The following ABCA2 variants were observed in gnomAD, a reference collection of about 807,000 sequenced individuals.
ABCA2 encodes the protein ATP-binding cassette sub-family A member 2.
In ABCA2, 84 loss-of-function variants were observed where a neutral mutation model predicts 262.8. The observed-to-expected ratio is 0.32, with a 90% CI of 0.27 to 0.38. ABCA2 has a LOEUF of 0.38. Ranked by LOEUF, ABCA2 falls within the 10% of genes least tolerant of loss-of-function variation. ABCA2 has a pLI of 1.00. For synonymous variants in ABCA2, 1,696 were observed against 1,502.9 expected (o/e 1.13, Z -2.97); for missense variants, 2,662 against 3,405.9 (o/e 0.78, Z 5.44).
At position 137,018,048 on chromosome 9, in the gene ABCA2, G is replaced by A; in HGVS notation, c.2021C>T (p.Thr674Ile). The A allele has an allele frequency of 6.8e-6, 11 of 1,612,690 alleles. No homozygotes were observed. Among genetic ancestry groups the A allele is most frequent in the Non-Finnish European group, 9.3e-6 (11 of 1,179,948 alleles). ...CTCCACCACATCGTGCCCCACAAAAGTGTCGATGATGGCGCGCTCCATCAT... is the reference window on the plus strand; with the variant it reads ...CTCCACCACATCGTGCCCCACAAAAATGTCGATGATGGCGCGCTCCATCAT... ...QDMMERAIIDTFVGHDVVEPG... is the reference protein window; with the variant it reads ...QDMMERAIIDIFVGHDVVEPG... The change falls in exon 15 of 49, where the codon ACT becomes ATT. Residue 674 changes from threonine to isoleucine, a missense_variant. Thr to Ile is a moderately conservative substitution (Grantham distance 89). Transcript: ENST00000341511.
At position 137,010,210 on chromosome 9, in the gene ABCA2, G is replaced by T. The variant is rs750641607; in HGVS notation, c.6336C>A (p.Ala2112=). 6.2e-7 allele frequency: 1 copy of T among 1,604,546 alleles called. No individual in the cohort carries two copies. Among genetic ancestry groups the T allele is most frequent in the South Asian group, 1.1e-5 (1 of 90,704 alleles). ...TGDESTTGGE[A]FVNGHSVLKE... ...CGCCCCACCTGTGTCCATTGACGAA[G>T]GCCTCGCCCCCCGTCGTGCTCTCGT... Residue 2112 remains alanine, a synonymous_variant, in exon 41 of 49, where the codon GCC becomes GCA. Coordinates refer to ENST00000341511, the MANE Select transcript of ABCA2 (RefSeq NM_001606.5).
rs542124387 is a variant in ABCA2, at chr9:137,011,943, G to A, written c.5436C>T (p.Val1812=). The change falls in exon 35 of 49, where the codon GTC becomes GTT. Residue 1812 remains valine, a synonymous_variant. Coordinates refer to ENST00000341511, the MANE Select transcript of ABCA2 (RefSeq NM_001606.5). This position sits in a 1 kb window ranked among gnomAD's most constrained non-coding sequence, Gnocchi z 8.8. The part of the protein sequence containing the change: ...AMSFVPASFV[V]FLVAEKSTKA... ...TGGTGGACTTCTCGGCCACGAGGAA[G>A]ACAACGAAGCTGGCCGGCACGAAGG... is the stretch of plus-strand genomic sequence containing the variant. 1.1e-4 allele frequency: 178 copies of A among 1,612,734 alleles called. No homozygotes were observed. The highest frequency in any genetic ancestry group is 1.7e-4 in the Middle Eastern group (1 of 6,060).
chr9:137,017,437 G>T, intron 17 of ABCA2, 65 bp downstream of exon 17: 3 of 1,597,362 alleles, frequency 1.9e-6, no homozygotes, highest in Non-Finnish European at 2.6e-6. Flanking sequence ...GCTCTGAGAG[G>T]ATGTGGGGTG....
At chr9:137,013,616 C>A in intron 28 of ABCA2, 53 bp from the exon 29 acceptor site, 2 of 1,531,384 alleles carry the variant, frequency 1.3e-6, no homozygotes, top group South Asian at 1.2e-5. Context: ...GGCCAGCGGC[C>A]CCCAAGCCTC....
Position 137,010,754 on chromosome 9 carries a change from G to A in ABCA2, c.6057-17C>T. The A allele has an allele frequency of 6.2e-7, 1 of 1,606,082 alleles. No homozygotes were observed. Among genetic ancestry groups the A allele is most frequent in the Non-Finnish European group, 8.5e-7 (1 of 1,174,348 alleles). On this transcript the variant is annotated splice_polypyrimidine_tract_variant and intron_variant, in intron 39 of 48. Coordinates refer to ENST00000341511, the MANE Select transcript of ABCA2 (RefSeq NM_001606.5). ...GGCATGCGCCTTGGGGGACAGGGTG[G>A]ACAGTGTCCAGCAGCTCGCCACCCC...
intron 6 of ABCA2, 102 bp downstream of exon 6, chr9:137,022,249 T>C: frequency 1.4e-6 from 2 of 1,420,622 alleles, no homozygotes; most frequent in Non-Finnish European, 1.8e-6. Flanking sequence ...TCAGACGGTC[T>C]GGGCGTGACT....
At position 137,011,815 on chromosome 9, in the gene ABCA2, G is replaced by A. The variant is rs762806599; in HGVS notation, c.5535+29C>T. 2.5e-5 allele frequency: 39 copies of A among 1,558,218 alleles called. No individual in the cohort carries two copies. The highest frequency in any genetic ancestry group is 1.1e-4 in the African/African-American group (8 of 73,446). ...GCGGGGATGGGGGATGAGAAGGGCC[G>A]GGGCACCCCATGGCCACGCCGGGCG... On this transcript the variant is annotated intron_variant, in intron 35 of 48. Coordinates refer to ENST00000341511, the MANE Select transcript of ABCA2 (RefSeq NM_001606.5). The surrounding 1 kb of genome is among the most constrained non-coding windows in gnomAD (Gnocchi z 8.8).
intron 14 of ABCA2, 25 bp from the exon 15 acceptor site, chr9:137,018,100 T>A: frequency 6.2e-7 from 1 of 1,610,972 alleles, no homozygotes; most frequent in South Asian, 1.1e-5. Flanking sequence ...AGCCATCAGG[T>A]GCCGGGCAGG....
rs769435232 is a variant in ABCA2 at position 137,016,200 on chromosome 9, C to T, written c.3105-26G>A. ...CTGGGTAGGTGGGCGGGGTCATGAC[C>T]CCACGCCCTCTGCAGGGGCCCCACC... is the stretch of plus-strand genomic sequence containing the variant. On this transcript the variant is annotated intron_variant, in intron 21 of 48. Transcript: ENST00000341511. 1.9e-6 allele frequency: 3 copies of T among 1,611,546 alleles called. No homozygotes were observed. In the Admixed American group the frequency reaches 5.0e-5, roughly 27 times the overall value.
At chr9:137,024,884 C>T (rs1188919739) in intron 1 of ABCA2, among the ~76,000 whole-genome samples, 3 of 152,074 alleles carry the variant, frequency 2.0e-5, no homozygotes, top group East Asian at 3.9e-4. Flanking sequence ...CTGCAAGCTC[C>T]GTCCCCCAAG....
Position 137,017,262 on chromosome 9 carries a change from G to A in ABCA2, c.2487C>T (p.Tyr829=). The change falls in exon 18 of 49, where the codon TAC becomes TAT. Residue 829 remains tyrosine (Y), a synonymous_variant. Transcript: ENST00000341511. ...GIIYFLSYVP[Y]MYVAIREEVA... ...CCTCCTCTCGGATCGCCACGTACAT[G>A]TAGGGCACGTAGCTCAGGAAGTAGA... 1.2e-6 allele frequency: 2 copies of A among 1,612,704 alleles called. No individual in the cohort carries two copies. Among genetic ancestry groups the A allele is most frequent in the South Asian group, 1.1e-5 (1 of 91,076 alleles).
Position 137,017,696 on chromosome 9 carries a change from C to T in ABCA2, c.2212-4G>A, listed in dbSNP as rs371651096. ...TCAGGCCCATGGTCTTCATCACCTG[C>T]GGGTGGGCCAGGGGCTTGGGGCAGG... On this transcript the variant is annotated splice_polypyrimidine_tract_variant and splice_region_variant and intron_variant, in intron 16 of 48. Transcript: ENST00000341511. 1.1e-5 allele frequency: 18 copies of T among 1,607,430 alleles called. No homozygotes were observed. Among genetic ancestry groups the T allele is most frequent in the East Asian group, 4.5e-5 (2 of 44,722 alleles).
chr9:137,024,797 C>CT (rs869249419), intron 1 of ABCA2, among the ~76,000 whole-genome samples: 2,477 of 139,596 alleles, frequency 0.018, 84 homozygotes, highest in African/African-American at 0.055. Flanking sequence ...GCAAAGGCAC[C>CT]TTTTTTTTTT....
rs1831233389 is a variant in ABCA2 at position 137,015,685 on chromosome 9, C to T, written c.3504G>A (p.Lys1168=). The T allele has an allele frequency of 1.2e-6, 2 of 1,609,348 alleles. No individual in the cohort carries two copies. The highest frequency in any genetic ancestry group is 1.1e-5 in the South Asian group (1 of 90,778). The change falls in exon 23 of 49, where the codon AAG becomes AAA. Residue 1168 remains lysine (K), a synonymous_variant. Transcript: ENST00000341511. ...ARRAIWDLIL[K]YKPGRTILLS... The stretch of plus-strand genomic sequence containing the variant: ...CGGCACCCCACTCACCTGGCTTGTA[C>T]TTCAGGATGAGGTCCCAGATGGCGC...
chr9:137,028,186 G>GCGCGCCCCGCCGGGCCCCGCAGCCCGC lies in ABCA2; in HGVS notation c.-73_-47dup, dbSNP rs1831726406. The GCGCGCCCCGCCGGGCCCCGCAGCCCGC allele has an allele frequency of 1.0e-6, 1 of 980,078 alleles. No individual in the cohort carries two copies. The highest frequency in any genetic ancestry group is 1.2e-6 in the Non-Finnish European group (1 of 827,846). The allele number at this position is 980,078 out of a possible 1,614,324, so 60.7% of individuals were successfully genotyped here. A position where few individuals can be genotyped will look rare whatever the true frequency, so the allele number is the denominator to read the frequency against. Reference sequence around the variant, plus strand: ...CCTCAGCGCCGCGGCCCGCTCCTCTGCGCGCCCCGCCGGGCCCCGCAGCCC... The same window carrying GCGCGCCCCGCCGGGCCCCGCAGCCCGC: ...CCTCAGCGCCGCGGCCCGCTCCTCTGCGCGCCCCGCCGGGCCCCGCAGCCCGCCGCGCCCCGCCGGGCCCCGCAGCCC... On this transcript the variant is annotated 5_prime_UTR_variant, in exon 1 of 49. Coordinates refer to ENST00000341511, the MANE Select transcript of ABCA2 (RefSeq NM_001606.5). The surrounding 1 kb of genome is among the most constrained non-coding windows in gnomAD (Gnocchi z 6.9).
intron 17 of ABCA2, 67 bp downstream of exon 17, chr9:137,017,434 GA>G: frequency 6.3e-7 from 1 of 1,598,914 alleles, no homozygotes; most frequent in Non-Finnish European, 8.5e-7. Context: ...GGGGCTCTGA[GA>G]GGATGTGGGG....
intron 28 of ABCA2, 106 bp from the exon 29 acceptor site, chr9:137,013,669 G>T: frequency 7.3e-7 from 1 of 1,370,074 alleles, no homozygotes; most frequent in Non-Finnish European, 1.0e-6. Context: ...CCTGGGGTCT[G>T]GGACCCGAGG....
At chr9:137,023,371 A>G in intron 3 of ABCA2, 2 of 704,088 alleles carry the variant, frequency 2.8e-6, no homozygotes, top group Non-Finnish European at 5.2e-6. Context: ...AAAACGTTTC[A>G]GGTGTGGCAC....
chr9:137,018,605 G>T (rs1456637806), intron 13 of ABCA2, 114 bp downstream of exon 13: 3 of 879,186 alleles, frequency 3.4e-6, no homozygotes, highest in Admixed American at 2.3e-5. Flanking sequence ...GGCGGGTGAG[G>T]GGGGAAGGCC....
Sources: allele counts gnomAD v4.1 joint callset (sites outside exome capture counted in the v4.1 genomes callset), GRCh38; gene constraint gnomAD v4.1.1; non-coding constraint Gnocchi (gnomAD v3.1); transcripts MANE v1.5; gene names NCBI Gene and HGNC (gene_info 2026-07-23, HGNC 2026-07-21).